Variants in NDRG3 observed in about 807,000 individuals in gnomAD.
NDRG3 encodes protein NDRG3.
A neutral mutation model predicts 57.2 loss-of-function variants in NDRG3; 23 were observed. That is an observed-to-expected ratio of 0.40 (90% CI 0.29 to 0.57). NDRG3 has a LOEUF of 0.57. NDRG3 is among the 20% of genes least tolerant of loss of function. The probability of loss-of-function intolerance (pLI) is 0.42; values close to 1 mark genes in which losing one functional copy is unlikely to be tolerated. For synonymous variants in NDRG3, 132 were observed against 162.6 expected (o/e 0.81, Z 1.43); for missense variants, 384 against 457.3 (o/e 0.84, Z 1.46).
intron 8 of NDRG3, among the ~76,000 whole-genome samples, chr20:36,674,615 T>A (rs78326098): frequency 1.4e-5 from 2 of 148,134 alleles, no homozygotes; most frequent in East Asian, 2.0e-4. Flanking sequence ...TTTTTTTTTT[T>A]AAGACAAGGT....
chr20:36,688,655 G>C, intron 4 of NDRG3, 24 bp downstream of exon 4: 1 of 1,473,672 alleles, frequency 6.8e-7, no homozygotes, highest in South Asian at 1.1e-5. Flanking sequence ...GATAAGAAGG[G>C]AAGGTGTAAA....
Position 36,656,357 on chromosome 20 carries a change from C to T in NDRG3, c.946+3G>A. ...GCTAGATAGAAAGTTGTGTACTACT[C>T]ACTGTAGCCCATTCCCTGCAAAAAG... On this transcript the variant is annotated splice_donor_region_variant and intron_variant, in intron 15 of 15. Coordinates refer to ENST00000349004, the MANE Select transcript of NDRG3 (RefSeq NM_032013.4). The T allele has an allele frequency of 6.2e-7, 1 of 1,613,930 alleles. No individual in the cohort carries two copies. The highest frequency in any genetic ancestry group is 8.5e-7 in the Non-Finnish European group (1 of 1,179,916).
At chr20:36,688,558 G>T in intron 4 of NDRG3, 121 bp downstream of exon 4, 1 of 718,340 alleles carries the variant, frequency 1.4e-6, no homozygotes, top group South Asian at 1.7e-5. Flanking sequence ...TAGGAACAAG[G>T]AGGGAAAGTT....
intron 1 of NDRG3, among the ~76,000 whole-genome samples, chr20:36,742,157 A>G (rs1317323088): frequency 6.6e-6 from 1 of 152,064 alleles, no homozygotes; most frequent in Non-Finnish European, 1.5e-5. Context: ...CTACCATATA[A>G]TTTAACAATT....
intron 1 of NDRG3, among the ~76,000 whole-genome samples, chr20:36,728,583 G>T (rs1187312063): frequency 1.3e-5 from 2 of 152,208 alleles, no homozygotes; most frequent in African/African-American, 2.4e-5. Flanking sequence ...TGCTCAAAAA[G>T]ATTGGGGTTT....
chr20:36,666,758 C>T (rs756826752), intron 9 of NDRG3, among the ~76,000 whole-genome samples: 19 of 152,116 alleles, frequency 1.2e-4, no homozygotes, highest in Non-Finnish European at 2.1e-4. Flanking sequence ...AGCTATCTGA[C>T]AAGGCTGTTT....
intron 3 of NDRG3, among the ~76,000 whole-genome samples, chr20:36,695,333 A>T (rs1982685002): frequency 6.6e-6 from 1 of 152,218 alleles, no homozygotes; most frequent in African/African-American, 2.4e-5. Flanking sequence ...TTGAAAAAAG[A>T]ACTGGATAAC....
chr20:36,669,813 G>T (rs1437826182), intron 9 of NDRG3, among the ~76,000 whole-genome samples: 2 of 151,764 alleles, frequency 1.3e-5, no homozygotes, highest in African/African-American at 2.4e-5. Context: ...GGCCATGCTG[G>T]TCTCAAACAC....
rs1425238442 is a variant in NDRG3, at chr20:36,693,129, TATATATATATATAC to T, written c.94-4359_94-4346del. ...AAATATATATATATATATATATATA[TATATATATATATAC>T]ACACACACACATATACACATATATA... On this transcript the variant is annotated intron_variant, in intron 3 of 15. Coordinates refer to ENST00000349004, the MANE Select transcript of NDRG3 (RefSeq NM_032013.4). Among the ~76,000 whole-genome samples, 119 of 68,136 alleles carry T rather than the reference TATATATATATATAC, an allele frequency of 1.7e-3. 3 individuals are homozygous for T. Among genetic ancestry groups the T allele is most frequent in the South Asian group, 5.6e-3 (11 of 1,976 alleles). 44.7% of individuals were successfully genotyped at this position (68,136 alleles called of 152,430 possible). A position where few individuals can be genotyped will look rare whatever the true frequency, so the allele number is the denominator to read the frequency against.
chr20:36,652,279 GGCAGGT>G lies in NDRG3; in HGVS notation c.*1235_*1240del, dbSNP rs1978318242. The G allele has an allele frequency of 6.6e-6, 1 of 152,168 alleles. No homozygotes were observed. Among genetic ancestry groups the G allele is most frequent in the South Asian group, 2.1e-4 (1 of 4,824 alleles). The allele number at this position is 152,168 out of a possible 1,614,324, so 9.4% of individuals were successfully genotyped here. A position where few individuals can be genotyped will look rare whatever the true frequency, so the allele number is the denominator to read the frequency against. On this transcript the variant is annotated 3_prime_UTR_variant, in exon 16 of 16. Coordinates refer to ENST00000349004, the MANE Select transcript of NDRG3 (RefSeq NM_032013.4). ...AATACATAACTTAGCTGGGTATGGTGGCAGGTGCCTGTAGTCTCAGCTACTCGGGAG... is the reference window on the plus strand; with the variant it reads ...AATACATAACTTAGCTGGGTATGGTGGCCTGTAGTCTCAGCTACTCGGGAG...
At chr20:36,721,340 C>T (rs576885635) in intron 2 of NDRG3, among the ~76,000 whole-genome samples, 1 of 151,594 alleles carries the variant, frequency 6.6e-6, no homozygotes, top group African/African-American at 2.4e-5. Context: ...ACCATCCTGG[C>T]CAACATGATG....
At chr20:36,712,580 TATATA>T (rs1983971639) in intron 2 of NDRG3, among the ~76,000 whole-genome samples, 9 of 26,990 alleles carry the variant, frequency 3.3e-4, no homozygotes, top group African/African-American at 9.2e-4. Flanking sequence ...TATATATATA[TATATA>T]TATTTTTTTT....
intron 3 of NDRG3, among the ~76,000 whole-genome samples, chr20:36,689,227 G>C (rs2148122228): frequency 6.6e-6 from 1 of 152,166 alleles, no homozygotes; most frequent in East Asian, 1.9e-4. Flanking sequence ...ATGCATACCA[G>C]AGAGATGCTA....
chr20:36,692,924 C>T (rs1156739091), intron 3 of NDRG3, among the ~76,000 whole-genome samples: 1 of 149,128 alleles, frequency 6.7e-6, no homozygotes, highest in Non-Finnish European at 1.5e-5. Flanking sequence ...AAAATAAAAA[C>T]ATTAGCCAGG....
rs567820465 is a variant in NDRG3 at position 36,705,332 on chromosome 20, A to AAAAAG, written c.93+1635_93+1639dup. ...GCAAGACTCTGTCTCAAAAAAAAAA[A>AAAAAG]AAAAGAAAAGAAAAGAAAAGAAAAG... On this transcript the variant is annotated intron_variant, in intron 3 of 15. Coordinates refer to ENST00000349004, the MANE Select transcript of NDRG3 (RefSeq NM_032013.4). 1.5e-3 allele frequency among the ~76,000 whole-genome samples: 219 copies of AAAAAG among 150,212 alleles called. No individual in the cohort carries two copies. In the East Asian group the frequency reaches 0.017, roughly 11 times the overall value.
At position 36,680,884 on chromosome 20, in the gene NDRG3, C is replaced by G. The variant is rs1471891883; in HGVS notation, c.463G>C (p.Val155Leu). ...ACATTAATGAGCACAAGGCCTTCCA[C>G]AAGCTCTGGATGGTTGAGCTGAAAG... ...SRFALNHPELVEGLVLINVDP... is the reference protein window; with the variant it reads ...SRFALNHPELLEGLVLINVDP... The change falls in exon 8 of 16, where the codon GTG (valine) becomes CTG (leucine). Residue 155 changes from valine to leucine, a missense_variant. By Grantham distance (32) the Val-to-Leu change is conservative. Transcript: ENST00000349004. 2 of 1,613,926 alleles carry G rather than the reference C, an allele frequency of 1.2e-6. No homozygotes were observed. Among genetic ancestry groups the G allele is most frequent in the African/African-American group, 1.3e-5 (1 of 74,920 alleles).
intron 2 of NDRG3, among the ~76,000 whole-genome samples, chr20:36,711,444 A>G (rs972551578): frequency 6.6e-6 from 1 of 150,870 alleles, no homozygotes; most frequent in South Asian, 2.1e-4. Flanking sequence ...TTAAGATTAG[A>G]AAAAATCACT....
At chr20:36,673,375 A>C (rs1036758327) in intron 8 of NDRG3, among the ~76,000 whole-genome samples, 1 of 152,100 alleles carries the variant, frequency 6.6e-6, no homozygotes, top group Non-Finnish European at 1.5e-5. Flanking sequence ...TTACGAAAAA[A>C]CAGAATACAA....
rs6513626 is a variant in NDRG3 at position 36,656,594 on chromosome 20, C to A, written c.859-62G>T. On this transcript the variant is annotated intron_variant, in intron 13 of 15. Transcript: ENST00000349004. The stretch of plus-strand genomic sequence containing the variant: ...ACCCTTAAGAGAATTGCTCTGAACA[C>A]CCCAAGTCCTTTCAAACAGAACAAG... 5,009 of 1,573,518 alleles carry A rather than the reference C, an allele frequency of 3.2e-3. 134 individuals carry two copies. In the African/African-American group the frequency reaches 0.061, roughly 19 times the overall value.
Sources: allele counts gnomAD v4.1 joint callset (sites outside exome capture counted in the v4.1 genomes callset), GRCh38; gene constraint gnomAD v4.1.1; transcripts MANE v1.5; gene names NCBI Gene and HGNC (gene_info 2026-07-23, HGNC 2026-07-21).